Variants in CNTNAP2 observed in about 807,000 individuals in gnomAD.
The protein encoded by CNTNAP2 is contactin associated protein 2.
A neutral mutation model predicts 155.2 loss-of-function variants in CNTNAP2; 98 were observed. The observed-to-expected ratio is 0.63, with a 90% CI of 0.54 to 0.75. The LOEUF is 0.75. Ranked by LOEUF, CNTNAP2 falls within the 30% of genes least tolerant of loss-of-function variation. The pLI, the probability that CNTNAP2 is intolerant of heterozygous loss-of-function variation, is 0.00. For missense variants in CNTNAP2, 1,727 were observed against 1,688.1 expected (o/e 1.02, Z -0.40); for synonymous variants, 651 against 631.2 (o/e 1.03, Z -0.47).
intron 3 of CNTNAP2, among the ~76,000 whole-genome samples, chr7:147,005,217 C>T (rs929150679): frequency 1.3e-5 from 2 of 151,872 alleles, no homozygotes; most frequent in South Asian, 4.1e-4. Flanking sequence ...TTTCTATCCA[C>T]GGGAATAGGA....
At chr7:147,771,455 T>G (rs1402470589) in intron 13 of CNTNAP2, among the ~76,000 whole-genome samples, 1 of 152,200 alleles carries the variant, frequency 6.6e-6, no homozygotes, top group African/African-American at 2.4e-5. Flanking sequence ...TGAATGAGCC[T>G]TTGTGGTTGA....
intron 11 of CNTNAP2, among the ~76,000 whole-genome samples, chr7:147,527,926 A>G (rs896469763): frequency 6.6e-6 from 1 of 152,190 alleles, no homozygotes; most frequent in Non-Finnish European, 1.5e-5. Context: ...GCAAACAAAC[A>G]AAAAAAGTGC....
At chr7:146,523,163 A>C (rs1283916895) in intron 1 of CNTNAP2, among the ~76,000 whole-genome samples, 1 of 151,982 alleles carries the variant, frequency 6.6e-6, no homozygotes, top group Non-Finnish European at 1.5e-5. Flanking sequence ...CTTTCCCCCA[A>C]GTCCCCAAAG....
intron 1 of CNTNAP2, among the ~76,000 whole-genome samples, chr7:146,526,937 A>G (rs1332416824): frequency 6.6e-6 from 1 of 152,080 alleles, no homozygotes; most frequent in Non-Finnish European, 1.5e-5. Flanking sequence ...TTTCTTTAGT[A>G]GAGATGAAGT....
intron 10 of CNTNAP2, among the ~76,000 whole-genome samples, chr7:147,414,897 G>C (rs1414874201): frequency 7.5e-6 from 1 of 134,192 alleles, no homozygotes; most frequent in Non-Finnish European, 1.5e-5. Flanking sequence ...AGCCGAGATC[G>C]CGCCACTGCA....
intron 1 of CNTNAP2, among the ~76,000 whole-genome samples, chr7:146,405,588 G>A (rs554619017): frequency 1.2e-4 from 18 of 152,172 alleles, no homozygotes; most frequent in South Asian, 6.2e-4. Flanking sequence ...AGAATTATAC[G>A]TACAGAGAGA....
chr7:148,223,859 A>C (rs1795793862), intron 19 of CNTNAP2, among the ~76,000 whole-genome samples: 1 of 152,248 alleles, frequency 6.6e-6, no homozygotes, highest in Non-Finnish European at 1.5e-5. Flanking sequence ...AATAGAGCTG[A>C]GGAACATAAA....
chr7:147,737,007 C>T lies in CNTNAP2; in HGVS notation c.2098+97701C>T, dbSNP rs551356858. On this transcript the variant is annotated intron_variant, in intron 13 of 23. Transcript: ENST00000361727. ...TCAGACAAGTTTGATCATCTGAAGC[C>T]TTCTTCTCTCAACTCATCAAAGTCA... 3.7e-4 allele frequency among the ~76,000 whole-genome samples: 57 copies of T among 152,260 alleles called. 1 individual carries two copies. The South Asian group carries it at 0.012, about 31-fold the overall frequency.
intron 15 of CNTNAP2, among the ~76,000 whole-genome samples, chr7:148,097,753 C>T (rs1259375682): frequency 6.6e-6 from 1 of 152,162 alleles, no homozygotes; most frequent in African/African-American, 2.4e-5. Context: ...AGTGCATAAC[C>T]CACAGCTCTC....
intron 14 of CNTNAP2, among the ~76,000 whole-genome samples, chr7:147,918,477 A>G (rs533565441): frequency 2.0e-5 from 3 of 152,312 alleles, no homozygotes; most frequent in African/African-American, 7.2e-5. Context: ...TTAAAAAGAT[A>G]ATGGGTGTGT....
intron 1 of CNTNAP2, among the ~76,000 whole-genome samples, chr7:146,133,822 T>C (rs1797755319): frequency 6.6e-6 from 1 of 152,160 alleles, no homozygotes; most frequent in African/African-American, 2.4e-5. Flanking sequence ...TGTAGCCTTG[T>C]AGTATAGCTT....
At chr7:146,443,704 G>C (rs1172937311) in intron 1 of CNTNAP2, among the ~76,000 whole-genome samples, 1 of 152,196 alleles carries the variant, frequency 6.6e-6, no homozygotes, top group African/African-American at 2.4e-5. Context: ...TTGTCTGCCT[G>C]TCAACCACTT....
chr7:146,582,867 G>A (rs189804592), intron 1 of CNTNAP2, among the ~76,000 whole-genome samples: 24 of 149,172 alleles, frequency 1.6e-4, no homozygotes, highest in African/African-American at 5.4e-4. Context: ...TCCTCACTCT[G>A]ATCTATAAAT....
chr7:146,803,133 G>T (rs1218405118), intron 2 of CNTNAP2, among the ~76,000 whole-genome samples: 2 of 152,142 alleles, frequency 1.3e-5, no homozygotes, highest in African/African-American at 2.4e-5. Flanking sequence ...TAGACTTGAG[G>T]AGGTCATGAT....
At chr7:148,315,594 G>T (rs1021489779) in intron 21 of CNTNAP2, among the ~76,000 whole-genome samples, 3 of 152,224 alleles carry the variant, frequency 2.0e-5, no homozygotes, top group Non-Finnish European at 4.4e-5. Context: ...TGATGGCTTA[G>T]CTTGGGCTCA....
At chr7:147,818,538 C>G (rs1405787822) in intron 13 of CNTNAP2, among the ~76,000 whole-genome samples, 1 of 152,106 alleles carries the variant, frequency 6.6e-6, no homozygotes, top group Non-Finnish European at 1.5e-5. Flanking sequence ...CATGGGTGTC[C>G]TAAAAGGAAG....
At chr7:146,976,576 A>C (rs575886823) in intron 3 of CNTNAP2, among the ~76,000 whole-genome samples, 34 of 152,260 alleles carry the variant, frequency 2.2e-4, no homozygotes, top group African/African-American at 7.7e-4. Context: ...AGATGAAGAG[A>C]TGTCTAGGGT....
chr7:146,507,629 C>T (rs769621699), intron 1 of CNTNAP2, among the ~76,000 whole-genome samples: 9 of 152,068 alleles, frequency 5.9e-5, no homozygotes, highest in Non-Finnish European at 1.5e-5. Flanking sequence ...GTATGGCGTT[C>T]GTCTTACCCA....
chr7:146,201,672 G>A lies in CNTNAP2; in HGVS notation c.97+84699G>A, dbSNP rs896819072. On this transcript the variant is annotated intron_variant, in intron 1 of 23. Transcript: ENST00000361727. ...TGTGTGTGTGTGTGTGTGTGTGTGTGTGTGAATCAGAAAAAAATATTTATT... is the reference window on the plus strand; with the variant it reads ...TGTGTGTGTGTGTGTGTGTGTGTGTATGTGAATCAGAAAAAAATATTTATT... Among the ~76,000 whole-genome samples the A allele has an allele frequency of 1.1e-4, 17 of 149,614 alleles. No individual in the cohort carries two copies. The East Asian group carries it at 1.6e-3, about 14-fold the overall frequency.
Sources: allele counts gnomAD v4.1 joint callset (sites outside exome capture counted in the v4.1 genomes callset), GRCh38; gene constraint gnomAD v4.1.1; transcripts MANE v1.5; gene names NCBI Gene and HGNC (gene_info 2026-07-23, HGNC 2026-07-21).